Variants in UNC5C observed in about 807,000 individuals in gnomAD.
UNC5C encodes the protein netrin receptor UNC5C.
Under a neutral mutation model 99.8 loss-of-function variants are expected in UNC5C, and 47 were observed. The observed-to-expected ratio is 0.47, with a 90% confidence interval of 0.37 to 0.60. The LOEUF is 0.60. UNC5C is among the 20% of genes least tolerant of loss of function. UNC5C has a pLI of 0.00. For missense variants in UNC5C, 1,062 were observed against 1,165.9 expected, an observed-to-expected ratio of 0.91 and a Z score of 1.30; for synonymous variants, 487 against 452.2, an observed-to-expected ratio of 1.08 and a Z score of -0.98.
intron 5 of UNC5C, among the ~76,000 whole-genome samples, chr4:95,249,436 T>A: frequency 6.6e-6 from 1 of 152,210 alleles, no homozygotes; most frequent in South Asian, 2.1e-4. Flanking sequence ...GGAGGTAGCA[T>A]AACCTCTAAA....
chr4:95,194,516 A>G (rs954809537), intron 12 of UNC5C, among the ~76,000 whole-genome samples: 1 of 152,156 alleles, frequency 6.6e-6, no homozygotes, highest in African/African-American at 2.4e-5. Flanking sequence ...GAGAATCTGT[A>G]CTGGGTCTTC....
chr4:95,472,193 T>A (rs1231417730), intron 1 of UNC5C, among the ~76,000 whole-genome samples: 1 of 152,148 alleles, frequency 6.6e-6, no homozygotes, highest in Non-Finnish European at 1.5e-5. Context: ...TGTATTATTT[T>A]AAAAAATAAG....
chr4:95,272,673 C>G (rs1002413621), intron 4 of UNC5C, among the ~76,000 whole-genome samples: 1 of 152,200 alleles, frequency 6.6e-6, no homozygotes, highest in African/African-American at 2.4e-5. Flanking sequence ...GAAAACCCGT[C>G]TTCAAGGCTG....
intron 1 of UNC5C, among the ~76,000 whole-genome samples, chr4:95,485,800 G>C (rs939705840): frequency 3.2e-4 from 48 of 151,634 alleles, no homozygotes; most frequent in African/African-American, 1.1e-3. Context: ...AAGCCTATCA[G>C]GTAGGGTTCT....
Position 95,164,183 on chromosome 4 carries a change from C to T in UNC5C, c.*5051G>A, listed in dbSNP as rs1444232073. The T allele has an allele frequency of 1.3e-5, 2 of 152,170 alleles. No individual in the cohort carries two copies. The highest frequency in any genetic ancestry group is 2.9e-5 in the Non-Finnish European group (2 of 68,044). The allele number at this position is 152,170 out of a possible 1,614,324, so 9.4% of individuals were successfully genotyped here. On this transcript the variant is annotated 3_prime_UTR_variant, in exon 16 of 16. Transcript: ENST00000453304. ...GACTTAGTCTGCAGAGAAAACCCACCCAGTTCTACACAAAGCCATCTCCCC... is the reference window on the plus strand; with the variant it reads ...GACTTAGTCTGCAGAGAAAACCCACTCAGTTCTACACAAAGCCATCTCCCC...
rs904644690 is a variant in UNC5C, at chr4:95,166,864, C to T, written c.*2370G>A. On this transcript the variant is annotated 3_prime_UTR_variant, in exon 16 of 16. Transcript: ENST00000453304. ...TTTTAATTTAGAATACAGTTTTACTCATTGCTACAAACATCCACTGAACTT... is the reference window on the plus strand; with the variant it reads ...TTTTAATTTAGAATACAGTTTTACTTATTGCTACAAACATCCACTGAACTT... 2 of 152,152 alleles carry T rather than the reference C, an allele frequency of 1.3e-5. No homozygotes were observed. Among genetic ancestry groups the T allele is most frequent in the Non-Finnish European group, 2.9e-5 (2 of 68,020 alleles). The allele number at this position is 152,152 out of a possible 1,614,324, so 9.4% of individuals were successfully genotyped here.
intron 1 of UNC5C, among the ~76,000 whole-genome samples, chr4:95,356,225 A>ACG (rs1744195775): frequency 7.3e-6 from 1 of 136,644 alleles, no homozygotes; most frequent in African/African-American, 2.9e-5. Context: ...AAACAAAAAA[A>ACG]AAACAGATTC....
intron 13 of UNC5C, among the ~76,000 whole-genome samples, chr4:95,183,936 T>G (rs986562478): frequency 1.3e-5 from 2 of 152,222 alleles, no homozygotes; most frequent in African/African-American, 2.4e-5. Context: ...GAAGAGAGTG[T>G]CCAGCAGATG....
chr4:95,296,268 CA>C (rs1200809673), intron 3 of UNC5C, among the ~76,000 whole-genome samples: 4 of 152,168 alleles, frequency 2.6e-5, no homozygotes, highest in Non-Finnish European at 4.4e-5. Flanking sequence ...CTTCGGTACA[CA>C]CATATGAGTT....
intron 1 of UNC5C, among the ~76,000 whole-genome samples, chr4:95,512,548 G>T (rs1447796249): frequency 6.6e-6 from 1 of 152,096 alleles, no homozygotes; most frequent in Non-Finnish European, 1.5e-5. Context: ...CAATCTTTGG[G>T]CATTCAAGTT....
At chr4:95,457,940 A>T (rs1432742787) in intron 1 of UNC5C, among the ~76,000 whole-genome samples, 1 of 152,114 alleles carries the variant, frequency 6.6e-6, no homozygotes, top group Non-Finnish European at 1.5e-5. Context: ...GAACTCTGCT[A>T]ACCCATTCTG....
intron 1 of UNC5C, among the ~76,000 whole-genome samples, chr4:95,545,064 T>C (rs1723022044): frequency 6.6e-6 from 1 of 152,238 alleles, no homozygotes; most frequent in Non-Finnish European, 1.5e-5. Context: ...CAGGGTTTAC[T>C]TAGCAGAGCT....
chr4:95,498,706 A>G (rs1294629407), intron 1 of UNC5C, among the ~76,000 whole-genome samples: 2 of 51,618 alleles, frequency 3.9e-5, no homozygotes, highest in East Asian at 3.4e-4. Context: ...TGGAACATAC[A>G]GTGTTTTTTT....
chr4:95,489,391 G>A (rs998375641), intron 1 of UNC5C, among the ~76,000 whole-genome samples: 3 of 151,622 alleles, frequency 2.0e-5, no homozygotes, highest in Admixed American at 6.6e-5. Context: ...GAGGCAGAGA[G>A]AAGTGGGATG....
chr4:95,331,793 A>G lies in UNC5C; in HGVS notation c.346+3617T>C, dbSNP rs1245873105. Among the ~76,000 whole-genome samples, 4 of 152,218 alleles carry G rather than the reference A, an allele frequency of 2.6e-5. No individual in the cohort carries two copies. The East Asian group carries it at 5.8e-4, about 22-fold the overall frequency. On this transcript the variant is annotated intron_variant, in intron 2 of 15. Transcript: ENST00000453304. Reference sequence around the variant, plus strand: ...GAAATCTCTCTCAATATATGTGTATATGTGTGTGTGGGTGTGTTACCAACA... The same window carrying G: ...GAAATCTCTCTCAATATATGTGTATGTGTGTGTGTGGGTGTGTTACCAACA...
At chr4:95,291,808 T>C (rs1741466121) in intron 3 of UNC5C, among the ~76,000 whole-genome samples, 2 of 152,196 alleles carry the variant, frequency 1.3e-5, no homozygotes, top group South Asian at 4.1e-4. Flanking sequence ...CTAAAGTATA[T>C]ATTTAATCTT....
intron 2 of UNC5C, among the ~76,000 whole-genome samples, chr4:95,334,556 A>G (rs1022249985): frequency 1.3e-5 from 2 of 151,990 alleles, no homozygotes; most frequent in African/African-American, 4.8e-5. Context: ...CACGTATGCT[A>G]CCATGGAAAG....
chr4:95,285,084 G>A (rs922040444), intron 3 of UNC5C, among the ~76,000 whole-genome samples: 7 of 152,066 alleles, frequency 4.6e-5, no homozygotes, highest in Non-Finnish European at 7.4e-5. Flanking sequence ...AAGAAGATAA[G>A]CATGTTTTAT....
intron 1 of UNC5C, among the ~76,000 whole-genome samples, chr4:95,341,514 A>C (rs1160659901): frequency 6.6e-6 from 1 of 150,486 alleles, no homozygotes; most frequent in Non-Finnish European, 1.5e-5. Flanking sequence ...AGAGAGAAAG[A>C]AAGAAAGAAA....
Sources: gnomAD v4.1 joint callset for allele counts (sites outside exome capture counted in the v4.1 genomes callset) on GRCh38, gnomAD v4.1.1 for gene constraint, MANE v1.5 for transcripts, NCBI Gene and HGNC (gene_info 2026-07-23, HGNC 2026-07-21) for gene names.